The following RRP7A variants were observed in gnomAD, a reference collection of about 807,000 sequenced individuals.
RRP7A encodes ribosomal RNA-processing protein 7 homolog A.
Under a neutral mutation model 38.4 loss-of-function variants are expected in RRP7A, and 27 were observed. The observed-to-expected ratio is 0.70, with a 90% confidence interval of 0.52 to 0.97. RRP7A has a LOEUF of 0.97. Among genes scored for constraint, RRP7A ranks in the 50% least tolerant of loss-of-function variants. RRP7A has a pLI of 0.00. For synonymous variants in RRP7A, 124 were observed against 150.3 expected (o/e 0.83, Z 1.28); for missense variants, 327 against 375.4 (o/e 0.87, Z 1.07).
rs988741410 is a variant in RRP7A, at chr22:42,508,920, G to A, written c.*3990C>T. ...CCTGGGCTCAGACCCAGGGTGGGTGGCTAAGGTGCCCTCGCCAGGGCTTAG... is the reference window on the plus strand; with the variant it reads ...CCTGGGCTCAGACCCAGGGTGGGTGACTAAGGTGCCCTCGCCAGGGCTTAG... On this transcript the variant is annotated 3_prime_UTR_variant, in exon 7 of 7. Transcript: ENST00000323013. 1.4e-5 allele frequency: 22 copies of A among 1,518,960 alleles called. No individual in the cohort carries two copies. The highest frequency in any genetic ancestry group is 1.3e-4 in the Admixed American group (7 of 52,874). 94.1% of individuals were successfully genotyped at this position (1,518,960 alleles called of 1,614,324 possible). A position where few individuals can be genotyped will look rare whatever the true frequency, so the allele number is the denominator to read the frequency against.
At chr22:42,514,022 C>G in intron 6 of RRP7A, 84 bp downstream of exon 6, 1 of 1,221,278 alleles carries the variant, frequency 8.2e-7, no homozygotes, top group Middle Eastern at 2.4e-4. Flanking sequence ...GTCCAGCGCC[C>G]GCCCTCAGGA....
At position 42,519,726 on chromosome 22, in the gene RRP7A, G is replaced by C. The variant is rs1279823076; in HGVS notation, c.61C>G (p.Leu21Val). 22 of 1,459,566 alleles carry C rather than the reference G, an allele frequency of 1.5e-5. No individual in the cohort carries two copies. The highest frequency in any genetic ancestry group is 2.0e-5 in the Non-Finnish European group (22 of 1,107,606). The allele number at this position is 1,459,566 out of a possible 1,614,324, so 90.4% of individuals were successfully genotyped here. Residue 21 changes from leucine (L) to valine (V), a missense_variant, in exon 1 of 7, where the codon CTG becomes GTG. By Grantham distance (32) the Leu-to-Val change is conservative. This residue lies in a region of RRP7A where 183 missense variants were observed against 141.8 expected (regional missense o/e 1.29). Transcript: ENST00000323013. ...CGGAGCCCCTCACCTGCGTAGCCCAGTGGGCTGGGGATACGGTCCTCCGGG... is the reference window on the plus strand; with the variant it reads ...CGGAGCCCCTCACCTGCGTAGCCCACTGGGCTGGGGATACGGTCCTCCGGG... ...RDPEDRIPSP[L>V]GYAAIPIKFS...
Position 42,512,666 on chromosome 22 carries a change from G to A in RRP7A, c.*244C>T. 4 of 596,894 alleles carry A rather than the reference G, an allele frequency of 6.7e-6. No homozygotes were observed. Among genetic ancestry groups the A allele is most frequent in the Non-Finnish European group, 9.0e-6 (3 of 334,206 alleles). 37.0% of individuals were successfully genotyped at this position (596,894 alleles called of 1,614,324 possible). A position where few individuals can be genotyped will look rare whatever the true frequency, so the allele number is the denominator to read the frequency against. ...CCTGGAGAGGAGGGTGTGGAGGCAA[G>A]AAGCAGGAAGGACAAGTCCTCCTCT... On this transcript the variant is annotated 3_prime_UTR_variant, in exon 7 of 7. Coordinates refer to ENST00000323013, the MANE Select transcript of RRP7A (RefSeq NM_015703.5).
rs560436293 is a variant in RRP7A at position 42,516,189 on chromosome 22, G to A, written c.217-53C>T. On this transcript the variant is annotated intron_variant, in intron 2 of 6. Coordinates refer to ENST00000323013, the MANE Select transcript of RRP7A (RefSeq NM_015703.5). ...TGAGCATCCGCAGGGCCATCCCAAA[G>A]CCTCCCTGCACCATGGGTGGCGCTG... The A allele has an allele frequency of 7.5e-6, 12 of 1,604,694 alleles. No homozygotes were observed. In the African/African-American group the frequency reaches 1.5e-4, roughly 20 times the overall value.
rs1185252345 is a variant in RRP7A, at chr22:42,513,952, T to G, written c.757+154A>C. 3.3e-5 allele frequency among the ~76,000 whole-genome samples: 5 copies of G among 151,688 alleles called. No individual in the cohort carries two copies. In the East Asian group the frequency reaches 9.7e-4, roughly 29 times the overall value. ...ACAGGGTGCTGCCAGGCTGGGCCTC[T>G]TTCCACAGAGTCTGGTGCGAGCCCC... On this transcript the variant is annotated intron_variant, in intron 6 of 6. Transcript: ENST00000323013.
Position 42,512,847 on chromosome 22 carries a change from G to A in RRP7A, c.*63C>T. 1 of 1,533,340 alleles carries A rather than the reference G, an allele frequency of 6.5e-7. No individual in the cohort carries two copies. The highest frequency in any genetic ancestry group is 9.0e-7 in the Non-Finnish European group (1 of 1,116,396). 95.0% of individuals were successfully genotyped at this position (1,533,340 alleles called of 1,614,324 possible). A position where few individuals can be genotyped will look rare whatever the true frequency, so the allele number is the denominator to read the frequency against. On this transcript the variant is annotated 3_prime_UTR_variant, in exon 7 of 7. Transcript: ENST00000323013. ...AGAGCTCGGCCTCTCAGAGACCGCTGCAGGCCCTGCCTCGCCTCCTCCTGG... is the reference window on the plus strand; with the variant it reads ...AGAGCTCGGCCTCTCAGAGACCGCTACAGGCCCTGCCTCGCCTCCTCCTGG...
At chr22:42,517,342 TAAAAAAA>T (rs71184902) in intron 2 of RRP7A, among the ~76,000 whole-genome samples, 12 of 117,532 alleles carry the variant, frequency 1.0e-4, no homozygotes, top group Admixed American at 4.6e-4. Flanking sequence ...TTAGTTTTTG[TAAAAAAA>T]AAAAAAAAAA....
In RRP7A at chr22:42,512,843, C is replaced by G. The variant is rs1469462555; in HGVS notation, c.*67G>C. On this transcript the variant is annotated 3_prime_UTR_variant, in exon 7 of 7. Coordinates refer to ENST00000323013, the MANE Select transcript of RRP7A (RefSeq NM_015703.5). ...GGCCAGAGCTCGGCCTCTCAGAGACCGCTGCAGGCCCTGCCTCGCCTCCTC... is the reference window on the plus strand; with the variant it reads ...GGCCAGAGCTCGGCCTCTCAGAGACGGCTGCAGGCCCTGCCTCGCCTCCTC... 6.6e-7 allele frequency: 1 copy of G among 1,514,078 alleles called. No individual in the cohort carries two copies. Among genetic ancestry groups the G allele is most frequent in the Non-Finnish European group, 9.1e-7 (1 of 1,100,934 alleles). The allele number at this position is 1,514,078 out of a possible 1,614,324, so 93.8% of individuals were successfully genotyped here.
Position 42,511,434 on chromosome 22 carries a change from CAAAGTGCTGGTT to C in RRP7A, c.*1464_*1475del, listed in dbSNP as rs1601803681. 6.5e-6 allele frequency: 1 copy of C among 152,782 alleles called. No individual in the cohort carries two copies. The highest frequency in any genetic ancestry group is 1.9e-4 in the East Asian group (1 of 5,184). The allele number at this position is 152,782 out of a possible 1,614,324, so 9.5% of individuals were successfully genotyped here. Reference sequence around the variant, plus strand: ...AGGCGATCCGCCCACCTTGGCCTCCCAAAGTGCTGGTTTTGCAGATGGGAGCCACCATGCCCA... The same window carrying C: ...AGGCGATCCGCCCACCTTGGCCTCCCTTGCAGATGGGAGCCACCATGCCCA... On this transcript the variant is annotated 3_prime_UTR_variant, in exon 7 of 7. Transcript: ENST00000323013.
chr22:42,519,735 G>A lies in RRP7A; in HGVS notation c.52C>T (p.Pro18Ser). 6.8e-7 allele frequency: 1 copy of A among 1,463,352 alleles called. No individual in the cohort carries two copies. Among genetic ancestry groups the A allele is most frequent in the Non-Finnish European group, 9.0e-7 (1 of 1,110,454 alleles). 90.6% of individuals were successfully genotyped at this position (1,463,352 alleles called of 1,614,324 possible). ...TCACCTGCGTAGCCCAGTGGGCTGG[G>A]GATACGGTCCTCCGGGTCCCGCGCG... The part of the protein sequence containing the change: ...CAARDPEDRI[P>S]SPLGYAAIPI... The change falls in exon 1 of 7, where the codon CCC (proline) becomes TCC (serine). Residue 18 changes from proline to serine, a missense_variant. Physicochemically the swap from Pro to Ser is moderately conservative, Grantham distance 74. Coordinates refer to ENST00000323013, the MANE Select transcript of RRP7A (RefSeq NM_015703.5).
At chr22:42,518,756 C>G (rs1920938412) in intron 1 of RRP7A, 1 of 470,812 alleles carries the variant, frequency 2.1e-6, no homozygotes, top group South Asian at 1.5e-5. Context: ...TTTGGTTAAT[C>G]GCTGGCACAC....
chr22:42,518,976 G>C (rs1420068115), intron 1 of RRP7A, among the ~76,000 whole-genome samples: 2 of 146,318 alleles, frequency 1.4e-5, no homozygotes, highest in African/African-American at 2.6e-5. Flanking sequence ...TCTTTCCATA[G>C]GCCATCACGG....
chr22:42,519,659 A>G (rs1444587243), intron 1 of RRP7A, 55 bp downstream of exon 1: 8 of 1,391,274 alleles, frequency 5.8e-6, no homozygotes, highest in East Asian at 3.1e-5. Context: ...CCAACCCCCA[A>G]ACACCTCCCG....
In RRP7A at chr22:42,518,004, C is replaced by T; in HGVS notation, c.216+1G>A. The T allele has an allele frequency of 6.2e-7, 1 of 1,612,314 alleles. No individual in the cohort carries two copies. The highest frequency in any genetic ancestry group is 8.5e-7 in the Non-Finnish European group (1 of 1,179,138). On this transcript the variant is annotated splice_donor_variant, in intron 2 of 6. Coordinates refer to ENST00000323013, the MANE Select transcript of RRP7A (RefSeq NM_015703.5). LOFTEE classifies it high-confidence loss of function. ...CTCCTCCCAGACAGACACTAGCTCA[C>T]CTCTGTGCAGTATGGGGGCACATTG...
Position 42,511,801 on chromosome 22 carries a change from A to C in RRP7A, c.*1109T>G, listed in dbSNP as rs1337268407. On this transcript the variant is annotated 3_prime_UTR_variant, in exon 7 of 7. Transcript: ENST00000323013. ...TGCAGGCTGCTCACGTCATCTCATT[A>C]TCTTTTCTCACGAGGACTACTTCGG... 3 of 305,836 alleles carry C rather than the reference A, an allele frequency of 9.8e-6. No homozygotes were observed. The highest frequency in any genetic ancestry group is 1.9e-5 in the Non-Finnish European group (3 of 159,886). The allele number at this position is 305,836 out of a possible 1,614,324, so 18.9% of individuals were successfully genotyped here.
At chr22:42,514,514 G>C (rs753034486) in intron 5 of RRP7A, among the ~76,000 whole-genome samples, 168 bp downstream of exon 5, 1 of 152,126 alleles carries the variant, frequency 6.6e-6, no homozygotes, top group Non-Finnish European at 1.5e-5. Context: ...GACATGTGGA[G>C]ACTACATGTG....
chr22:42,519,543 T>A (rs529847160), intron 1 of RRP7A, among the ~76,000 whole-genome samples, 171 bp downstream of exon 1: 5 of 152,014 alleles, frequency 3.3e-5, no homozygotes, highest in African/African-American at 9.7e-5. Context: ...GGGCGCCGCC[T>A]GGGTCCTCGG....
At position 42,509,964 on chromosome 22, in the gene RRP7A, CTTT is replaced by C. The variant is rs60335800; in HGVS notation, c.*2943_*2945del. On this transcript the variant is annotated 3_prime_UTR_variant, in exon 7 of 7. Transcript: ENST00000323013. ...GTATTAAAAACCACGGGATTGTAGA[CTTT>C]TTTTTTTTTTTTTTTGAGATGGAGT... 61 of 122,858 alleles carry C rather than the reference CTTT, an allele frequency of 5.0e-4. No individual in the cohort carries two copies. In the East Asian group the frequency reaches 6.9e-3, roughly 14 times the overall value. The allele number at this position is 122,858 out of a possible 1,614,324, so 7.6% of individuals were successfully genotyped here.
At chr22:42,516,716 A>G (rs5751293) in intron 2 of RRP7A, among the ~76,000 whole-genome samples, 36,449 of 151,652 alleles carry the variant, frequency 0.24, 4,290 homozygotes, top group African/African-American at 0.35. Flanking sequence ...ACCCTATGCT[A>G]TGACAGTTGG....
Sources: allele counts gnomAD v4.1 joint callset (sites outside exome capture counted in the v4.1 genomes callset), GRCh38; gene constraint gnomAD v4.1.1; regional missense constraint gnomAD v4.1.1; transcripts MANE v1.5; gene names NCBI Gene and HGNC (gene_info 2026-07-23, HGNC 2026-07-21).